The following CACNA1E variants were observed in gnomAD, a reference collection of about 807,000 sequenced individuals.
The protein encoded by CACNA1E is voltage-dependent R-type calcium channel subunit alpha-1E.
A neutral mutation model predicts 259.2 loss-of-function variants in CACNA1E; 40 were observed. That is an observed-to-expected ratio of 0.15 (90% CI 0.12 to 0.20). The LOEUF is 0.20. Ranked by LOEUF, CACNA1E falls within the 10% of genes least tolerant of loss-of-function variation. The pLI, the probability that CACNA1E is intolerant of heterozygous loss-of-function variation, is 1.00. For synonymous variants in CACNA1E, 1,104 were observed against 1,138.5 expected (o/e 0.97, Z 0.61); for missense variants, 1,874 against 3,040.1 (o/e 0.62, Z 9.02).
chr1:181,453,496 G>A (rs1290206294), intron 2 of CACNA1E, among the ~76,000 whole-genome samples: 1 of 152,204 alleles, frequency 6.6e-6, no homozygotes, highest in African/African-American at 2.4e-5. Flanking sequence ...CCCAGCATGT[G>A]CCTAAGTAAT....
At chr1:181,763,263 C>T in intron 33 of CACNA1E, 143 bp from the exon 34 acceptor site, 1 of 660,948 alleles carries the variant, frequency 1.5e-6, no homozygotes, top group Non-Finnish European at 2.5e-6. Context: ...CACTGGCCAG[C>T]CCATCAGCTG....
intron 2 of CACNA1E, among the ~76,000 whole-genome samples, chr1:181,428,154 TC>T (rs922471942): frequency 1.3e-5 from 2 of 152,162 alleles, no homozygotes; most frequent in Non-Finnish European, 2.9e-5. Flanking sequence ...GCCCTCACTC[TC>T]CGGAGGACTG....
chr1:181,597,065 A>G (rs923200039), intron 6 of CACNA1E, among the ~76,000 whole-genome samples: 4 of 152,084 alleles, frequency 2.6e-5, no homozygotes, highest in Non-Finnish European at 5.9e-5. Context: ...GGAAAGAGAT[A>G]TCATGGGGCC....
intron 1 of CACNA1E, among the ~76,000 whole-genome samples, chr1:181,508,991 T>G (rs1665948431): frequency 6.6e-6 from 1 of 152,066 alleles, no homozygotes; most frequent in African/African-American, 2.4e-5. Context: ...GGGGTCTGTG[T>G]GCTGTGTGAG....
chr1:181,670,179 A>G (rs1648651701), intron 7 of CACNA1E, among the ~76,000 whole-genome samples: 1 of 152,200 alleles, frequency 6.6e-6, no homozygotes, highest in Non-Finnish European at 1.5e-5. Flanking sequence ...TCCATAGTCG[A>G]GGCCCTATAA....
Position 181,715,330 on chromosome 1 carries a change from C to A in CACNA1E, c.1172-8C>A. On this transcript the variant is annotated splice_region_variant and splice_polypyrimidine_tract_variant and intron_variant, in intron 8 of 47. Transcript: ENST00000367573. ...AGATAATTTACCAAACCATTTGTTTCCATATAGAGGAAGTCATGCTCGCTG... is the reference window on the plus strand; with the variant it reads ...AGATAATTTACCAAACCATTTGTTTACATATAGAGGAAGTCATGCTCGCTG... 6.4e-7 allele frequency: 1 copy of A among 1,568,454 alleles called. No individual in the cohort carries two copies. The highest frequency in any genetic ancestry group is 1.1e-5 in the South Asian group (1 of 88,082).
At chr1:181,479,949 T>C (rs187187886), upstream of CACNA1E, among the ~76,000 whole-genome samples, 5 of 152,286 alleles carry the variant, frequency 3.3e-5, no homozygotes, top group African/African-American at 1.2e-4. Context: ...CTGTGGGGCT[T>C]ATGTAAACTG....
intron 6 of CACNA1E, among the ~76,000 whole-genome samples, chr1:181,613,027 C>T (rs571073843): frequency 6.6e-6 from 1 of 152,304 alleles, no homozygotes; most frequent in Non-Finnish European, 1.5e-5. Context: ...TGTCTGTCAC[C>T]TTTATCATAA....
rs538335024 is a variant in CACNA1E, at chr1:181,566,668, GAGGAGTTGTTTC to G, written c.513-11093_513-11082del. ...ACGTTCAGGCCAAGCTTCATGCTCTGAGGAGTTGTTTCAGGAAGAAAGAGAGAGGAGCTATGT... is the reference window on the plus strand; with the variant it reads ...ACGTTCAGGCCAAGCTTCATGCTCTGAGGAAGAAAGAGAGAGGAGCTATGT... On this transcript the variant is annotated intron_variant, in intron 3 of 47. Transcript: ENST00000367573. 2.9e-4 allele frequency among the ~76,000 whole-genome samples: 44 copies of G among 152,338 alleles called. 2 individuals carry two copies. In the South Asian group the frequency reaches 8.9e-3, roughly 31 times the overall value.
chr1:181,791,880 C>T (rs1288117134), intron 44 of CACNA1E, among the ~76,000 whole-genome samples: 1 of 152,190 alleles, frequency 6.6e-6, no homozygotes, highest in African/African-American at 2.4e-5. Context: ...GGAATGGGCA[C>T]CCCCACAGAG....
intron 1 of CACNA1E, among the ~76,000 whole-genome samples, chr1:181,406,732 G>T (rs1657491646): frequency 6.6e-6 from 1 of 152,188 alleles, no homozygotes. Context: ...ATTAAGATAT[G>T]CAAGGCTATG....
At chr1:181,661,772 A>G (rs1558239204) in intron 7 of CACNA1E, among the ~76,000 whole-genome samples, 1 of 152,186 alleles carries the variant, frequency 6.6e-6, no homozygotes, top group Admixed American at 6.5e-5. Context: ...GGAAGTACTA[A>G]CTTCCTTTTA....
Position 181,484,512 on chromosome 1 carries a change from C to A in CACNA1E, c.266+502C>A, listed in dbSNP as rs1304979640. Among the ~76,000 whole-genome samples the A allele has an allele frequency of 4.6e-5, 7 of 152,342 alleles. No homozygotes were observed. In the East Asian group the frequency reaches 1.3e-3, roughly 29 times the overall value. ...TTCAGAAGTTCCCAGGGCCAAAACC[C>A]TGTGTACAGATAGACAAATGAATAA... On this transcript the variant is annotated intron_variant, in intron 1 of 47. Transcript: ENST00000367573.
chr1:181,638,187 T>C (rs1657413027), intron 6 of CACNA1E, among the ~76,000 whole-genome samples: 1 of 152,206 alleles, frequency 6.6e-6, no homozygotes, highest in Non-Finnish European at 1.5e-5. Flanking sequence ...GGCAACAGAA[T>C]GGCTGTTGTA....
At chr1:181,443,917 A>G (rs753324409) in intron 2 of CACNA1E, among the ~76,000 whole-genome samples, 2 of 152,234 alleles carry the variant, frequency 1.3e-5, no homozygotes, top group Non-Finnish European at 2.9e-5. Flanking sequence ...TTCATAGTAC[A>G]CTGATGGGAA....
intron 7 of CACNA1E, among the ~76,000 whole-genome samples, chr1:181,672,986 A>G (rs943148263): frequency 1.3e-5 from 2 of 152,182 alleles, no homozygotes; most frequent in African/African-American, 4.8e-5. Flanking sequence ...GACGACCCCA[A>G]GAAAAGAATT....
chr1:181,648,378 A>G (rs1189590134), intron 6 of CACNA1E, among the ~76,000 whole-genome samples: 3 of 152,240 alleles, frequency 2.0e-5, no homozygotes, highest in Admixed American at 6.5e-5. Context: ...TTGGTTTTTT[A>G]TAGAATTGAG....
chr1:181,548,133 T>TTTTCTTTC (rs1558113587), intron 3 of CACNA1E, among the ~76,000 whole-genome samples: 2 of 136,178 alleles, frequency 1.5e-5, no homozygotes, highest in African/African-American at 7.3e-5. Flanking sequence ...TTTTTTCTTT[T>TTTTCTTTC]TTTTTTTTTG....
chr1:181,660,971 C>T (rs73043408), intron 7 of CACNA1E, among the ~76,000 whole-genome samples: 1,558 of 152,266 alleles, frequency 0.01, 25 homozygotes, highest in African/African-American at 0.034. Context: ...TACCCCTCAA[C>T]GGGTTTGAGT....
Sources: allele counts gnomAD v4.1 joint callset (sites outside exome capture counted in the v4.1 genomes callset), GRCh38; gene constraint gnomAD v4.1.1; transcripts MANE v1.5; gene names NCBI Gene and HGNC (gene_info 2026-07-23, HGNC 2026-07-21).